Variants in CACNA1D observed in about 807,000 individuals in gnomAD.
CACNA1D encodes voltage-dependent L-type calcium channel subunit alpha-1D.
Under a neutral mutation model 257.1 loss-of-function variants are expected in CACNA1D, and 55 were observed. The ratio of observed to expected loss-of-function variants is 0.21; its 90% confidence interval spans 0.17 to 0.27. CACNA1D has a LOEUF of 0.27. Among genes scored for constraint, CACNA1D ranks in the 10% least tolerant of loss-of-function variants. The pLI is 1.00. For missense variants in CACNA1D, 1,876 were observed against 2,784.0 expected, an observed-to-expected ratio of 0.67 and a Z score of 7.34; for synonymous variants, 980 against 1,014.9, an observed-to-expected ratio of 0.97 and a Z score of 0.65.
At chr3:53,652,383 G>A (rs562006121) in intron 4 of CACNA1D, among the ~76,000 whole-genome samples, 17 of 152,294 alleles carry the variant, frequency 1.1e-4, no homozygotes, top group Middle Eastern at 3.4e-3. Context: ...AGAGTTTGGG[G>A]AGGCAGAATA....
rs536362679 is a variant in CACNA1D at position 53,776,618 on chromosome 3, G to T, written c.4378G>T (p.Val1460Leu). ...GCTTTTTCAGATCATCAATCTGTTT[G>T]TGGCTGTCATCATGGATAATTTCGA... ...LCAFLIINLF[V>L]AVIMDNFDYL... The change falls in exon 36 of 48, where the codon GTG becomes TTG. Residue 1460 changes from valine (V) to leucine (L), a missense_variant. Physicochemically the swap from Val to Leu is conservative, Grantham distance 32. Around this residue, in one of 10 missense-constraint regions of CACNA1D, gnomAD observed 83 missense variants for 210.7 expected, o/e 0.39. Coordinates refer to ENST00000350061, the MANE Select transcript of CACNA1D (RefSeq NM_001128840.3). 6.2e-7 allele frequency: 1 copy of T among 1,614,184 alleles called. No homozygotes were observed. Among genetic ancestry groups the T allele is most frequent in the African/African-American group, 1.3e-5 (1 of 75,052 alleles).
intron 5 of CACNA1D, among the ~76,000 whole-genome samples, chr3:53,664,475 A>G (rs2094239474): frequency 6.6e-6 from 1 of 152,194 alleles, no homozygotes; most frequent in Admixed American, 6.5e-5. Flanking sequence ...GTTTGGCTTC[A>G]TGACCTGGAT....
chr3:53,773,833 A>T (rs960694077), intron 33 of CACNA1D: 26 of 152,048 alleles, frequency 1.7e-4, no homozygotes, highest in African/African-American at 5.6e-4. Flanking sequence ...ATGTTCTCAT[A>T]AAAAAAAGCC....
intron 3 of CACNA1D, among the ~76,000 whole-genome samples, chr3:53,618,711 G>T (rs2093663383): frequency 6.6e-6 from 1 of 152,200 alleles, no homozygotes; most frequent in African/African-American, 2.4e-5. Flanking sequence ...CTGCTCGTTG[G>T]TCAGACTGAC....
intron 3 of CACNA1D, among the ~76,000 whole-genome samples, chr3:53,643,964 G>T (rs2093991837): frequency 1.3e-5 from 2 of 152,246 alleles, no homozygotes; most frequent in Non-Finnish European, 2.9e-5. Flanking sequence ...TCCTGGAACA[G>T]AGCAAAACCA....
At chr3:53,522,216 A>T (rs190555009) in intron 3 of CACNA1D, among the ~76,000 whole-genome samples, 1 of 152,288 alleles carries the variant, frequency 6.6e-6, no homozygotes, top group East Asian at 1.9e-4. Flanking sequence ...CCATGATTGC[A>T]GCCAGTCCTG....
chr3:53,525,086 G>T (rs1268194475), intron 3 of CACNA1D, among the ~76,000 whole-genome samples: 1 of 152,046 alleles, frequency 6.6e-6, no homozygotes, highest in Non-Finnish European at 1.5e-5. Context: ...TTTATTTGGG[G>T]AAAATAAGTT....
rs573892523 is a variant in CACNA1D, at chr3:53,751,292, G to A, written c.3517-457G>A. Among the ~76,000 whole-genome samples, 4 of 152,332 alleles carry A rather than the reference G, an allele frequency of 2.6e-5. No homozygotes were observed. In the East Asian group the frequency reaches 5.8e-4, roughly 22 times the overall value. On this transcript the variant is annotated intron_variant, in intron 27 of 47. Transcript: ENST00000350061. This position sits in a 1 kb window ranked among gnomAD's most constrained non-coding sequence, Gnocchi z 4.3. ...CCCTCTCGTTCTTGTGAGTTTCTGT[G>A]GTTACTTGGCCTCCTTTCCTGGAGG...
rs552549370 is a variant in CACNA1D at position 53,612,215 on chromosome 3, G to T, written c.484-38564G>T. 2.0e-5 allele frequency among the ~76,000 whole-genome samples: 3 copies of T among 152,268 alleles called. No homozygotes were observed. In the South Asian group the frequency reaches 6.2e-4, roughly 32 times the overall value. On this transcript the variant is annotated intron_variant, in intron 3 of 47. Coordinates refer to ENST00000350061, the MANE Select transcript of CACNA1D (RefSeq NM_001128840.3). ...TCTGTTTAGTAATTTTCCAAAAACTGCTTATGGGTCCTATTTTCCTTTTTC... is the reference window on the plus strand; with the variant it reads ...TCTGTTTAGTAATTTTCCAAAAACTTCTTATGGGTCCTATTTTCCTTTTTC...
intron 3 of CACNA1D, among the ~76,000 whole-genome samples, chr3:53,577,582 G>C (rs2093059706): frequency 6.6e-6 from 1 of 152,156 alleles, no homozygotes; most frequent in South Asian, 2.1e-4. Flanking sequence ...TGGCCCTGCA[G>C]TGGCCAGAAG....
intron 3 of CACNA1D, among the ~76,000 whole-genome samples, chr3:53,629,728 C>G (rs976093968): frequency 5.3e-5 from 8 of 152,170 alleles, no homozygotes; most frequent in Non-Finnish European, 7.3e-5. Context: ...TGCTGGCCCA[C>G]AAAGAAGACA....
chr3:53,506,607 A>C (rs1288652354), intron 3 of CACNA1D, among the ~76,000 whole-genome samples: 2 of 152,228 alleles, frequency 1.3e-5, no homozygotes, highest in Non-Finnish European at 2.9e-5. Context: ...CAAGGACTCC[A>C]TGGTATATTC....
chr3:53,748,380 G>T (rs2095192016), intron 26 of CACNA1D, among the ~76,000 whole-genome samples: 1 of 152,178 alleles, frequency 6.6e-6, no homozygotes, highest in Non-Finnish European at 1.5e-5. Flanking sequence ...GATATTTTCA[G>T]GAGCTCCTGT....
In CACNA1D at chr3:53,726,937, G is replaced by A; in HGVS notation, c.2159G>A (p.Gly720Asp). ...VMYDGIMAYG[G>D]PSSSGMIVCI... ...TACGATGGCATCATGGCTTACGGGGGCCCATCCTCTTCAGGAATGATCGTC... is the reference window on the plus strand; with the variant it reads ...TACGATGGCATCATGGCTTACGGGGACCCATCCTCTTCAGGAATGATCGTC... Residue 720 changes from glycine (G) to aspartate (D), a missense_variant, in exon 15 of 48, where the codon GGC becomes GAC. Physicochemically the swap from Gly to Asp is moderately conservative, Grantham distance 94. This residue lies in a region of CACNA1D where 257 missense variants were observed against 399.7 expected (regional missense o/e 0.64). Transcript: ENST00000350061. 6.2e-7 allele frequency: 1 copy of A among 1,614,114 alleles called. No individual in the cohort carries two copies. The highest frequency in any genetic ancestry group is 8.5e-7 in the Non-Finnish European group (1 of 1,179,962).
At chr3:53,522,995 A>G (rs560760195) in intron 3 of CACNA1D, among the ~76,000 whole-genome samples, 12 of 152,304 alleles carry the variant, frequency 7.9e-5, no homozygotes, top group Middle Eastern at 3.4e-3. Context: ...TAGTTCCCAC[A>G]TAAGAGTGAG....
At chr3:53,736,329 A>G (rs918760487) in intron 20 of CACNA1D, among the ~76,000 whole-genome samples, 3 of 152,064 alleles carry the variant, frequency 2.0e-5, no homozygotes, top group African/African-American at 7.2e-5. Context: ...TGATACAGTG[A>G]GACCTTGTCT....
At chr3:53,544,867 G>A (rs987904281) in intron 3 of CACNA1D, among the ~76,000 whole-genome samples, 1 of 152,192 alleles carries the variant, frequency 6.6e-6, no homozygotes, top group Non-Finnish European at 1.5e-5. Context: ...TCCCTCATTC[G>A]AGGAAGTGGG....
chr3:53,640,957 T>C (rs752316750), intron 3 of CACNA1D, among the ~76,000 whole-genome samples: 1 of 151,912 alleles, frequency 6.6e-6, no homozygotes, highest in Non-Finnish European at 1.5e-5. Context: ...AAAATGATGC[T>C]CAGAGGAAAT....
At chr3:53,779,308 C>A (rs991612887) in intron 37 of CACNA1D, among the ~76,000 whole-genome samples, 2 of 152,168 alleles carry the variant, frequency 1.3e-5, no homozygotes, top group Non-Finnish European at 2.9e-5. Context: ...AACCTTTGAT[C>A]TTTGTCATCC....
Sources: gnomAD v4.1 joint callset for allele counts (sites outside exome capture counted in the v4.1 genomes callset) on GRCh38, gnomAD v4.1.1 for gene constraint, gnomAD v4.1.1 regional missense constraint, Gnocchi (gnomAD v3.1) non-coding constraint, MANE v1.5 for transcripts, NCBI Gene and HGNC (gene_info 2026-07-23, HGNC 2026-07-21) for gene names.